Variants in MAP2K5 observed in about 807,000 individuals in gnomAD.
The protein encoded by MAP2K5 is mitogen-activated protein kinase kinase 5, also known as dual specificity mitogen-activated protein kinase kinase 5.
A neutral mutation model predicts 83.1 loss-of-function variants in MAP2K5; 49 were observed. The ratio of observed to expected loss-of-function variants is 0.59; its 90% CI spans 0.47 to 0.75. The LOEUF is 0.75. Ranked by LOEUF, MAP2K5 falls within the 30% of genes least tolerant of loss-of-function variation. The pLI is 0.00. For synonymous variants in MAP2K5, 202 were observed against 191.8 expected (o/e 1.05, Z -0.44); for missense variants, 457 against 557.5 (o/e 0.82, Z 1.82).
chr15:67,759,906 G>A (rs2089917161), intron 19 of MAP2K5, among the ~76,000 whole-genome samples: 1 of 152,194 alleles, frequency 6.6e-6, no homozygotes, highest in Non-Finnish European at 1.5e-5. Context: ...AACTCAGTAA[G>A]TTAATACAAG....
At position 67,749,231 on chromosome 15, in the gene MAP2K5, C is replaced by T. The variant is rs557212187; in HGVS notation, c.1134+630C>T. On this transcript the variant is annotated intron_variant, in intron 19 of 21. Transcript: ENST00000178640. This position sits in a 1 kb window ranked among gnomAD's most constrained non-coding sequence, Gnocchi z 4.6. ...GTTCCTTTGCCTTCATGGTGCTAAT[C>T]TACCTGCCTTTCTCTCTCAATCGAC... Among the ~76,000 whole-genome samples, 6 of 152,184 alleles carry T rather than the reference C, an allele frequency of 3.9e-5. No individual in the cohort carries two copies. Among genetic ancestry groups the T allele is most frequent in the Non-Finnish European group, 7.3e-5 (5 of 68,030 alleles).
intron 21 of MAP2K5, among the ~76,000 whole-genome samples, chr15:67,796,852 A>C (rs879679466): frequency 3.0e-4 from 45 of 152,346 alleles, no homozygotes; most frequent in Non-Finnish European, 4.6e-4. Context: ...CTGATCTGGC[A>C]GCTGCTTAAG....
intron 21 of MAP2K5, among the ~76,000 whole-genome samples, chr15:67,800,874 A>G (rs1236473122): frequency 1.3e-5 from 2 of 152,220 alleles, no homozygotes; most frequent in Non-Finnish European, 2.9e-5. Flanking sequence ...AAGTTGAATA[A>G]TATGCACAGA....
intron 3 of MAP2K5, among the ~76,000 whole-genome samples, chr15:67,578,414 G>C (rs1225534180): frequency 6.6e-6 from 1 of 152,176 alleles, no homozygotes; most frequent in Non-Finnish European, 1.5e-5. Flanking sequence ...CCACACTGTG[G>C]TTTTGATTAC....
chr15:67,804,147 C>T (rs548784853), intron 21 of MAP2K5, among the ~76,000 whole-genome samples: 13 of 152,266 alleles, frequency 8.5e-5, no homozygotes, highest in Admixed American at 7.2e-4. Flanking sequence ...CACGACCCCC[C>T]GCCTGCCTGC....
At chr15:67,661,581 G>C (rs993646480) in intron 12 of MAP2K5, among the ~76,000 whole-genome samples, 6 of 151,998 alleles carry the variant, frequency 3.9e-5, no homozygotes, top group Non-Finnish European at 7.4e-5. Context: ...AGTGTATTTT[G>C]ACAAAGAATA....
chr15:67,681,607 G>C (rs1303313988), intron 13 of MAP2K5, among the ~76,000 whole-genome samples: 3 of 152,202 alleles, frequency 2.0e-5, no homozygotes, highest in East Asian at 3.8e-4. Flanking sequence ...CAAAATGATA[G>C]TCATCTCTTG....
chr15:67,755,621 G>A lies in MAP2K5; in HGVS notation c.1134+7020G>A, dbSNP rs767692706. The stretch of plus-strand genomic sequence containing the variant: ...CTTGTGAGTCCAGATGTTTGGTGGG[G>A]TAGATGATTGTCCCTATTCATAATG... On this transcript the variant is annotated intron_variant, in intron 19 of 21. Coordinates refer to ENST00000178640, the MANE Select transcript of MAP2K5 (RefSeq NM_145160.3). The surrounding 1 kb of genome is among the most constrained non-coding windows in gnomAD (Gnocchi z 4.7). Among the ~76,000 whole-genome samples, 13 of 152,166 alleles carry A rather than the reference G, an allele frequency of 8.5e-5. No homozygotes were observed. The highest frequency in any genetic ancestry group is 1.6e-4 in the Non-Finnish European group (11 of 68,040).
intron 21 of MAP2K5, among the ~76,000 whole-genome samples, chr15:67,773,727 G>A (rs530186858): frequency 2.2e-4 from 34 of 152,270 alleles, no homozygotes; most frequent in Non-Finnish European, 3.7e-4. Context: ...TTTCAGGGTA[G>A]TTTCAAGTTA....
chr15:67,551,465 T>C (rs1451888463), intron 2 of MAP2K5, among the ~76,000 whole-genome samples: 2 of 152,122 alleles, frequency 1.3e-5, no homozygotes, highest in East Asian at 1.9e-4. Context: ...CCCAAGTAAC[T>C]GGGACTACAC....
intron 8 of MAP2K5, among the ~76,000 whole-genome samples, chr15:67,610,661 C>A (rs1166994204): frequency 6.6e-6 from 1 of 151,894 alleles, no homozygotes; most frequent in Non-Finnish European, 1.5e-5. Flanking sequence ...GACCATGTTT[C>A]TGTTAAATTG....
Position 67,786,485 on chromosome 15 carries a change from AC to A in MAP2K5, c.1242+13735del, listed in dbSNP as rs79378448. On this transcript the variant is annotated intron_variant, in intron 21 of 21. Coordinates refer to ENST00000178640, the MANE Select transcript of MAP2K5 (RefSeq NM_145160.3). The surrounding 1 kb of genome is among the most constrained non-coding windows in gnomAD (Gnocchi z 4.7). ...TGGGTTCAGAAAGAATATAAGAAAG[AC>A]CTATGTCTCAGGAGCAGACTAGACA... 0.086 allele frequency among the ~76,000 whole-genome samples: 13,087 copies of A among 152,138 alleles called. 708 individuals are homozygous for A. The highest frequency in any genetic ancestry group is 0.1 in the Admixed American group (1,582 of 15,286).
intron 3 of MAP2K5, among the ~76,000 whole-genome samples, chr15:67,576,931 T>A (rs61223448): frequency 0.075 from 9,938 of 131,914 alleles, 911 homozygotes; most frequent in African/African-American, 0.16. Context: ...TATATATATT[T>A]TTTTTTTTTT....
rs573151433 is a variant in MAP2K5 at position 67,675,468 on chromosome 15, A to G, written c.847+10823A>G. Reference sequence around the variant, plus strand: ...ATGGGAGACAGAGGGAATGTTTACAATGGAGCAAGATGAGGAATCCTCATG... The same window carrying G: ...ATGGGAGACAGAGGGAATGTTTACAGTGGAGCAAGATGAGGAATCCTCATG... On this transcript the variant is annotated intron_variant, in intron 13 of 21. Transcript: ENST00000178640. Among the ~76,000 whole-genome samples the G allele has an allele frequency of 4.6e-5, 7 of 152,272 alleles. No individual in the cohort carries two copies. The South Asian group carries it at 8.3e-4, about 18-fold the overall frequency.
rs138844598 is a variant in MAP2K5, at chr15:67,778,636, C to T, written c.1242+5884C>T. On this transcript the variant is annotated intron_variant, in intron 21 of 21. Coordinates refer to ENST00000178640, the MANE Select transcript of MAP2K5 (RefSeq NM_145160.3). This position sits in a 1 kb window ranked among gnomAD's most constrained non-coding sequence, Gnocchi z 5.0. The stretch of plus-strand genomic sequence containing the variant: ...CGAGGAAAGATGGAAAAGGATCTTA[C>T]CTCTGTGAGAGCAGGGTGATCCTTT... 3.4e-3 allele frequency among the ~76,000 whole-genome samples: 515 copies of T among 152,274 alleles called. 2 individuals carry two copies. The highest frequency in any genetic ancestry group is 6.8e-3 in the Middle Eastern group (2 of 294).
chr15:67,647,150 C>G (rs1208562007), intron 11 of MAP2K5, among the ~76,000 whole-genome samples: 1 of 152,144 alleles, frequency 6.6e-6, no homozygotes, highest in Non-Finnish European at 1.5e-5. Context: ...TAAAACACAA[C>G]TTAAGAAAAT....
Position 67,793,307 on chromosome 15 carries a change from C to G in MAP2K5, c.1243-13339C>G, listed in dbSNP as rs943752429. 1.3e-5 allele frequency among the ~76,000 whole-genome samples: 2 copies of G among 152,176 alleles called. No individual in the cohort carries two copies. Among genetic ancestry groups the G allele is most frequent in the Non-Finnish European group, 2.9e-5 (2 of 68,028 alleles). On this transcript the variant is annotated intron_variant, in intron 21 of 21. Transcript: ENST00000178640. The surrounding 1 kb of genome is among the most constrained non-coding windows in gnomAD (Gnocchi z 4.6). Reference sequence around the variant, plus strand: ...TAAAAAAAAACAAAAAATTCTTTAGCTCATTATTATGGACATTGTCTATTT... The same window carrying G: ...TAAAAAAAAACAAAAAATTCTTTAGGTCATTATTATGGACATTGTCTATTT...
Position 67,774,247 on chromosome 15 carries a change from CCT to C in MAP2K5, c.1242+1496_1242+1497del, listed in dbSNP as rs1192320020. On this transcript the variant is annotated intron_variant, in intron 21 of 21. Coordinates refer to ENST00000178640, the MANE Select transcript of MAP2K5 (RefSeq NM_145160.3). The surrounding 1 kb of genome is among the most constrained non-coding windows in gnomAD (Gnocchi z 4.9). Reference sequence around the variant, plus strand: ...GATATATCTCTTTACAACTCTATACCCTGTTGTGTGCTGTCCCACATTTTAAA... The same window carrying C: ...GATATATCTCTTTACAACTCTATACCGTTGTGTGCTGTCCCACATTTTAAA... Among the ~76,000 whole-genome samples the C allele has an allele frequency of 2.6e-5, 4 of 151,220 alleles. No individual in the cohort carries two copies. The highest frequency in any genetic ancestry group is 9.7e-5 in the African/African-American group (4 of 41,044).
chr15:67,558,308 A>G (rs2084667223), intron 2 of MAP2K5, among the ~76,000 whole-genome samples: 1 of 152,202 alleles, frequency 6.6e-6, no homozygotes, highest in South Asian at 2.1e-4. Context: ...TCTATATCCC[A>G]TTCATCAGCA....
Sources: gnomAD v4.1 joint callset for allele counts (sites outside exome capture counted in the v4.1 genomes callset) on GRCh38, gnomAD v4.1.1 for gene constraint, Gnocchi (gnomAD v3.1) non-coding constraint, MANE v1.5 for transcripts, NCBI Gene and HGNC (gene_info 2026-07-23, HGNC 2026-07-21) for gene names.